The following LEKR1 variants were observed in gnomAD, a reference collection of about 807,000 sequenced individuals.
LEKR1 encodes leucine, glutamate and lysine rich 1, also known as protein LEKR1.
A neutral mutation model predicts 72.4 loss-of-function variants in LEKR1; 59 were observed. That is an observed-to-expected ratio of 0.82 (90% confidence interval 0.66 to 1.01). LEKR1 has a LOEUF of 1.01. Ranked by LOEUF, LEKR1 falls within the 50% of genes least tolerant of loss-of-function variation. The probability of loss-of-function intolerance (pLI) is 0.00; values close to 1 mark genes in which losing one functional copy is unlikely to be tolerated. For missense variants in LEKR1, 728 were observed against 759.2 expected (o/e 0.96, Z 0.48); for synonymous variants, 257 against 263.2 (o/e 0.98, Z 0.23).
intron 3 of LEKR1, among the ~76,000 whole-genome samples, chr3:156,893,285 A>G (rs1720840150): frequency 6.6e-6 from 1 of 152,274 alleles, no homozygotes; most frequent in Non-Finnish European, 1.5e-5. Context: ...CAGACTTTTT[A>G]GATTTCACGA....
intron 3 of LEKR1, among the ~76,000 whole-genome samples, chr3:156,874,352 A>T (rs985427676): frequency 2.6e-5 from 4 of 151,936 alleles, no homozygotes; most frequent in Admixed American, 1.3e-4. Context: ...TTGCTAAATG[A>T]TTGTACATTT....
chr3:156,837,996 T>G (rs344080), intron 2 of LEKR1, among the ~76,000 whole-genome samples: 7 of 152,092 alleles, frequency 4.6e-5, no homozygotes, highest in African/African-American at 1.7e-4. Context: ...ACATGGGGGA[T>G]CCAAAATGAC....
chr3:156,922,743 G>GTC (rs1724328779), intron 4 of LEKR1, among the ~76,000 whole-genome samples: 1 of 152,038 alleles, frequency 6.6e-6, no homozygotes, highest in Non-Finnish European at 1.5e-5. Context: ...CAAATTAATT[G>GTC]TAGAAGGCCT....
At chr3:156,902,391 A>G (rs1012591891) in intron 3 of LEKR1, among the ~76,000 whole-genome samples, 1 of 152,164 alleles carries the variant, frequency 6.6e-6, no homozygotes, top group Non-Finnish European at 1.5e-5. Context: ...TTTTTAAAGT[A>G]TATTTCAGTG....
chr3:156,891,927 G>A (rs1720703933), intron 3 of LEKR1, among the ~76,000 whole-genome samples: 2 of 152,046 alleles, frequency 1.3e-5, no homozygotes, highest in South Asian at 4.1e-4. Flanking sequence ...TGAATTGCAA[G>A]ACTGTACTCG....
chr3:156,955,063 G>A (rs1158633789), intron 6 of LEKR1, among the ~76,000 whole-genome samples: 1 of 151,832 alleles, frequency 6.6e-6, no homozygotes, highest in Non-Finnish European at 1.5e-5. Context: ...CCTTGAAAAG[G>A]TTTTTCATTT....
chr3:157,023,405 C>T (rs942827051), intron 10 of LEKR1, among the ~76,000 whole-genome samples: 3 of 152,058 alleles, frequency 2.0e-5, no homozygotes, highest in African/African-American at 4.8e-5. Context: ...GGAAAAACTG[C>T]CTAATGCTTA....
At chr3:156,927,376 G>A (rs1724816652) in intron 4 of LEKR1, 53 bp from the exon 5 acceptor site, 1 of 722,212 alleles carries the variant, frequency 1.4e-6, no homozygotes, top group Admixed American at 5.6e-5. Flanking sequence ...TTGAAGAAAT[G>A]TTTGTTATGC....
At chr3:156,971,887 TTGG>T (rs1157523418) in intron 6 of LEKR1, among the ~76,000 whole-genome samples, 2 of 152,186 alleles carry the variant, frequency 1.3e-5, no homozygotes, top group Non-Finnish European at 2.9e-5. Flanking sequence ...TTTTACACTG[TTGG>T]TGGGAGTGTA....
chr3:156,921,181 TAAG>T (rs1381036393), intron 4 of LEKR1: 3 of 152,178 alleles, frequency 2.0e-5, no homozygotes, highest in Non-Finnish European at 4.4e-5. Flanking sequence ...CTAAAGAAAC[TAAG>T]AAGTACATTT....
At chr3:157,044,288 T>C (rs1002142685) in intron 12 of LEKR1, among the ~76,000 whole-genome samples, 1 of 152,244 alleles carries the variant, frequency 6.6e-6, no homozygotes, top group Non-Finnish European at 1.5e-5. Context: ...GCCTCATTTT[T>C]GACATCATAA....
At chr3:156,977,663 C>T in intron 6 of LEKR1, 1 of 255,108 alleles carries the variant, frequency 3.9e-6, no homozygotes, top group Non-Finnish European at 8.2e-6. Context: ...ATAAACCCTA[C>T]AAATGTACAT....
intron 2 of LEKR1, among the ~76,000 whole-genome samples, chr3:156,845,462 A>C (rs1714469356): frequency 6.6e-6 from 1 of 151,728 alleles, no homozygotes; most frequent in South Asian, 2.1e-4. Context: ...ATTTCTTCTA[A>C]TATTTTCTAC....
intron 9 of LEKR1, among the ~76,000 whole-genome samples, chr3:157,003,362 T>C (rs1431040623): frequency 1.3e-5 from 2 of 152,228 alleles, no homozygotes; most frequent in African/African-American, 4.8e-5. Flanking sequence ...ATTAGTTTCC[T>C]ATTGCTGCTG....
At chr3:156,897,688 C>T (rs1347205497) in intron 3 of LEKR1, among the ~76,000 whole-genome samples, 1 of 152,178 alleles carries the variant, frequency 6.6e-6, no homozygotes, top group African/African-American at 2.4e-5. Flanking sequence ...TGTGGTGGCT[C>T]ACGCCTGTAA....
intron 2 of LEKR1, among the ~76,000 whole-genome samples, chr3:156,842,865 A>G (rs1714108959): frequency 6.6e-6 from 1 of 152,208 alleles, no homozygotes; most frequent in African/African-American, 2.4e-5. Flanking sequence ...CTGACTGAGC[A>G]TAGTATACTT....
chr3:156,951,457 G>A (rs937434739), intron 6 of LEKR1, among the ~76,000 whole-genome samples: 1 of 151,452 alleles, frequency 6.6e-6, no homozygotes, highest in Admixed American at 6.6e-5. Context: ...TGTACCTCTG[G>A]TAGAATTCAG....
At chr3:156,937,779 A>G (rs914660170) in intron 5 of LEKR1, among the ~76,000 whole-genome samples, 2 of 152,206 alleles carry the variant, frequency 1.3e-5, no homozygotes, top group African/African-American at 4.8e-5. Context: ...ATGTCCTTCA[A>G]TGGATGAAAG....
intron 11 of LEKR1, among the ~76,000 whole-genome samples, chr3:157,027,684 A>G (rs1445260625): frequency 6.6e-6 from 1 of 152,100 alleles, no homozygotes; most frequent in Non-Finnish European, 1.5e-5. Flanking sequence ...GGGTGGTGGC[A>G]TGAGTCTGTG....
Sources: gnomAD v4.1 joint callset for allele counts (sites outside exome capture counted in the v4.1 genomes callset) on GRCh38, gnomAD v4.1.1 for gene constraint, MANE v1.5 for transcripts, NCBI Gene and HGNC (gene_info 2026-07-23, HGNC 2026-07-21) for gene names.